The following UNC13C variants were observed in gnomAD, a reference collection of about 807,000 sequenced individuals.
UNC13C encodes the protein unc-13 homolog C.
Under a neutral mutation model 245.4 loss-of-function variants are expected in UNC13C, and 174 were observed. That is an observed-to-expected ratio of 0.71 (90% CI 0.63 to 0.80). UNC13C has a LOEUF of 0.80. Among genes scored for constraint, UNC13C ranks in the 30% least tolerant of loss-of-function variants. UNC13C has a pLI of 0.00. For missense variants in UNC13C, 2,829 were observed against 2,602.9 expected, an observed-to-expected ratio of 1.09 and a Z score of -1.89; for synonymous variants, 992 against 895.1, an observed-to-expected ratio of 1.11 and a Z score of -1.93.
chr15:54,275,483 T>C (rs1282257008), intron 10 of UNC13C, among the ~76,000 whole-genome samples: 2 of 152,182 alleles, frequency 1.3e-5, no homozygotes, highest in African/African-American at 4.8e-5. Context: ...TTGTATATGA[T>C]ATAGTTTGTT....
chr15:54,033,534 A>G (rs1896452946), intron 2 of UNC13C, among the ~76,000 whole-genome samples: 1 of 152,144 alleles, frequency 6.6e-6, no homozygotes, highest in African/African-American at 2.4e-5. Context: ...ATATACACAC[A>G]TTCCGTGAAC....
intron 10 of UNC13C, among the ~76,000 whole-genome samples, chr15:54,293,248 C>G (rs1167044218): frequency 6.6e-6 from 1 of 151,764 alleles, no homozygotes; most frequent in Non-Finnish European, 1.5e-5. Flanking sequence ...AGAGTGTATA[C>G]AAAAACCACA....
chr15:54,127,350 A>T (rs967222950), intron 2 of UNC13C, among the ~76,000 whole-genome samples: 2 of 152,206 alleles, frequency 1.3e-5, no homozygotes, highest in African/African-American at 4.8e-5. Flanking sequence ...TGTGACACAT[A>T]TACACGATGG....
At chr15:53,995,834 T>C (rs1222680255) in intron 1 of UNC13C, among the ~76,000 whole-genome samples, 1 of 152,142 alleles carries the variant, frequency 6.6e-6, no homozygotes, top group African/African-American at 2.4e-5. Flanking sequence ...AGTAGAGTAC[T>C]GAGGCTGGAA....
At chr15:54,163,992 G>A (rs560474269) in intron 4 of UNC13C, among the ~76,000 whole-genome samples, 39 of 152,226 alleles carry the variant, frequency 2.6e-4, no homozygotes, top group African/African-American at 7.7e-4. Context: ...TTGGTATGGT[G>A]GGAGTTTGCT....
the UNC13C span, chr15:53,948,576 T>C: frequency 6.7e-6 from 1 of 149,506 alleles, no homozygotes; most frequent in Non-Finnish European, 1.5e-5. Context: ...ATTGTGCCGC[T>C]GCACTCCAGC....
At chr15:54,025,719 C>G (rs1896081035) in intron 2 of UNC13C, among the ~76,000 whole-genome samples, 1 of 152,192 alleles carries the variant, frequency 6.6e-6, no homozygotes, top group Non-Finnish European at 1.5e-5. Flanking sequence ...GTCAGTAGAA[C>G]TGCAATTACA....
intron 4 of UNC13C, among the ~76,000 whole-genome samples, chr15:54,212,784 C>A (rs529387682): frequency 8.8e-4 from 134 of 152,190 alleles, no homozygotes; most frequent in African/African-American, 3.1e-3. Flanking sequence ...GATATGTCCT[C>A]TTTCAGACAG....
At chr15:53,846,198 G>A in the UNC13C span, among the ~76,000 whole-genome samples, 1 of 152,266 alleles carries the variant, frequency 6.6e-6, no homozygotes, top group Non-Finnish European at 1.5e-5. Flanking sequence ...TGGATTTATT[G>A]AGGCATAACC....
At chr15:54,044,299 A>T (rs1431109155) in intron 2 of UNC13C, 1 of 170,280 alleles carries the variant, frequency 5.9e-6, no homozygotes, top group East Asian at 1.6e-4. Flanking sequence ...TTATGGATAT[A>T]CCACACTTGT....
chr15:54,258,010 A>G (rs1197003275), intron 8 of UNC13C, among the ~76,000 whole-genome samples: 2 of 152,154 alleles, frequency 1.3e-5, no homozygotes, highest in Non-Finnish European at 2.9e-5. Context: ...AAAAGCAGTA[A>G]AGACCCATTT....
intron 19 of UNC13C, among the ~76,000 whole-genome samples, chr15:54,452,688 C>A (rs1891246355): frequency 6.6e-6 from 1 of 152,214 alleles, no homozygotes; most frequent in Non-Finnish European, 1.5e-5. Context: ...ACCCCAGCAG[C>A]ATGCTTTTGT....
intron 10 of UNC13C, 64 bp from the exon 11 acceptor site, chr15:54,293,830 AC>A: frequency 3.8e-6 from 5 of 1,316,104 alleles, no homozygotes; most frequent in Non-Finnish European, 5.0e-6. Context: ...AAAATAAAGT[AC>A]TAACATCAAA....
intron 30 of UNC13C, among the ~76,000 whole-genome samples, chr15:54,619,356 G>C (rs57406873): frequency 6.6e-6 from 1 of 152,012 alleles, no homozygotes. Context: ...TGCACTCTAC[G>C]CATGTTTCAC....
At chr15:54,198,398 A>G (rs946909304) in intron 4 of UNC13C, among the ~76,000 whole-genome samples, 3 of 152,142 alleles carry the variant, frequency 2.0e-5, no homozygotes, top group African/African-American at 7.2e-5. Context: ...CTAGAGGCCA[A>G]TCAATACAAA....
intron 15 of UNC13C, among the ~76,000 whole-genome samples, chr15:54,332,887 C>T (rs1454198361): frequency 6.6e-6 from 1 of 151,884 alleles, no homozygotes; most frequent in Non-Finnish European, 1.5e-5. Flanking sequence ...TAATTGCATA[C>T]TTATGGAAGT....
chr15:54,303,644 G>C (rs571668615), intron 13 of UNC13C, among the ~76,000 whole-genome samples: 2 of 139,538 alleles, frequency 1.4e-5, no homozygotes, highest in African/African-American at 5.4e-5. Context: ...TTTTTTTCCA[G>C]TTAATTTAGA....
intron 1 of UNC13C, among the ~76,000 whole-genome samples, chr15:53,982,282 C>CT: frequency 6.6e-6 from 1 of 152,028 alleles, no homozygotes; most frequent in Non-Finnish European, 1.5e-5. Context: ...TGCAATATGT[C>CT]TTTTTGATGG....
intron 23 of UNC13C, among the ~76,000 whole-genome samples, chr15:54,508,190 T>A (rs1003062233): frequency 6.6e-6 from 1 of 151,944 alleles, no homozygotes; most frequent in Non-Finnish European, 1.5e-5. Flanking sequence ...ATTGAAAGTA[T>A]ATTATTTCTG....
Sources: gnomAD v4.1 joint callset for allele counts (sites outside exome capture counted in the v4.1 genomes callset) on GRCh38, gnomAD v4.1.1 for gene constraint, MANE v1.5 for transcripts, NCBI Gene and HGNC (gene_info 2026-07-23, HGNC 2026-07-21) for gene names.